The following WDR20 variants were observed in gnomAD, a reference collection of about 807,000 sequenced individuals.
The protein encoded by WDR20 is WD repeat-containing protein 20.
A neutral mutation model predicts 38.7 loss-of-function variants in WDR20; 3 were observed. The ratio of observed to expected loss-of-function variants is 0.08; its 90% CI spans 0.04 to 0.20. The LOEUF (loss-of-function observed/expected upper bound fraction) is 0.20, where lower values mean the gene tolerates loss of function less well. WDR20 is among the 10% of genes least tolerant of loss of function. The pLI is 1.00. For synonymous variants in WDR20, 298 were observed against 285.6 expected (o/e 1.04, Z -0.44); for missense variants, 559 against 727.7 (o/e 0.77, Z 2.67).
chr14:102,196,555 C>A (rs971250164), intron 2 of WDR20, among the ~76,000 whole-genome samples: 6 of 151,968 alleles, frequency 3.9e-5, no homozygotes, highest in African/African-American at 1.5e-4. Flanking sequence ...GGGATTGGAG[C>A]CATGTAAGGG....
At chr14:102,177,319 G>C (rs757575358) in intron 1 of WDR20, among the ~76,000 whole-genome samples, 1 of 152,052 alleles carries the variant, frequency 6.6e-6, no homozygotes, top group Non-Finnish European at 1.5e-5. Flanking sequence ...TACTTCTTAC[G>C]TTTACAGAAG....
rs150618912 is a variant in WDR20, at chr14:102,177,502, G to A, written c.250-17436G>A. 2.9e-3 allele frequency among the ~76,000 whole-genome samples: 440 copies of A among 152,268 alleles called. 4 individuals carry two copies. Among genetic ancestry groups the A allele is most frequent in the African/African-American group, 0.01 (418 of 41,542 alleles). ...CTAGCTATGAGAAATATAGCCAGAT[G>A]AGAATCGAGCCACTGGGTTTTTGAG... is the stretch of plus-strand genomic sequence containing the variant. On this transcript the variant is annotated intron_variant, in intron 1 of 2. Transcript: ENST00000342702.
At chr14:102,218,832 T>C (rs2063538783), downstream of WDR20, among the ~76,000 whole-genome samples, 1 of 152,222 alleles carries the variant, frequency 6.6e-6, no homozygotes, top group Non-Finnish European at 1.5e-5. Flanking sequence ...TGGTAAAGCC[T>C]GGAATTGCCA....
chr14:102,148,196 G>T (rs529915533), intron 1 of WDR20, among the ~76,000 whole-genome samples: 20 of 152,180 alleles, frequency 1.3e-4, no homozygotes, highest in Non-Finnish European at 2.5e-4. Context: ...ACCTTAATTG[G>T]TAGACATTTC....
downstream of WDR20, chr14:102,210,653 A>G (rs1351866293): frequency 1.6e-5 from 8 of 499,244 alleles, no homozygotes; most frequent in African/African-American, 6.3e-5. Context: ...CTCTTGCCAC[A>G]TAAGCGAAGA....
chr14:102,172,953 C>T (rs1202476170), intron 1 of WDR20, among the ~76,000 whole-genome samples: 3 of 149,600 alleles, frequency 2.0e-5, no homozygotes, highest in Non-Finnish European at 4.5e-5. Flanking sequence ...TGGGCAGAGG[C>T]GCTCCTCACA....
downstream of WDR20, among the ~76,000 whole-genome samples, chr14:102,218,517 C>A (rs1360845444): frequency 6.6e-6 from 1 of 152,248 alleles, no homozygotes; most frequent in Admixed American, 6.5e-5. Context: ...AGGAACATGG[C>A]CTTGCTGCTT....
intron 1 of WDR20, among the ~76,000 whole-genome samples, chr14:102,189,022 A>G (rs2065621283): frequency 1.3e-5 from 2 of 151,858 alleles, no homozygotes; most frequent in African/African-American, 4.8e-5. Flanking sequence ...CAGCCTGGTC[A>G]ACATGGTTGA....
chr14:102,139,430 G>C (rs760732797), upstream of WDR20: 6 of 1,519,800 alleles, frequency 3.9e-6, no homozygotes, highest in Admixed American at 1.1e-4. Context: ...GGTACCCCGC[G>C]TGCTGGCTCC....
At chr14:102,154,416 T>TAA (rs1421893015) in intron 1 of WDR20, among the ~76,000 whole-genome samples, 1 of 152,154 alleles carries the variant, frequency 6.6e-6, no homozygotes, top group Non-Finnish European at 1.5e-5. Flanking sequence ...ACCTCTTTTA[T>TAA]AAGGGCACCA....
rs1330741816 is a variant in WDR20, at chr14:102,210,381, A to C, written c.*501A>C. 1 of 985,646 alleles carries C rather than the reference A, an allele frequency of 1.0e-6. No individual in the cohort carries two copies. The highest frequency in any genetic ancestry group is 1.2e-6 in the Non-Finnish European group (1 of 830,082). The allele number at this position is 985,646 out of a possible 1,614,324, so 61.1% of individuals were successfully genotyped here. On this transcript the variant is annotated 3_prime_UTR_variant, in exon 3 of 3. Coordinates refer to ENST00000342702, the MANE Select transcript of WDR20 (RefSeq NM_144574.4). ...TTAGGAATCTATGAAATTTAACTTT[A>C]GGAACAAAACGTTTAGCAGGGTTGA...
chr14:102,142,350 G>T (rs528411560), intron 1 of WDR20, among the ~76,000 whole-genome samples: 1 of 152,180 alleles, frequency 6.6e-6, no homozygotes, highest in East Asian at 1.9e-4. Context: ...ACTATTTTCT[G>T]ATTTAAAATA....
At chr14:102,148,669 TTGTGTGTGTG>T (rs10525828) in intron 1 of WDR20, among the ~76,000 whole-genome samples, 44,578 of 144,474 alleles carry the variant, frequency 0.31, 7,105 homozygotes, top group East Asian at 0.55. Flanking sequence ...GAGTTTGGCT[TTGTGTGTGTG>T]TGTGTGTGTG....
intron 1 of WDR20, among the ~76,000 whole-genome samples, chr14:102,153,053 A>G (rs1461503257): frequency 6.6e-6 from 1 of 152,106 alleles, no homozygotes; most frequent in Non-Finnish European, 1.5e-5. Context: ...TTTCTCAGGA[A>G]TGGTTTAGCA....
At chr14:102,212,399 AG>A, downstream of WDR20, 1 of 1,071,732 alleles carries the variant, frequency 9.3e-7, no homozygotes, top group African/African-American at 1.6e-5. Flanking sequence ...CAGCCTGGGG[AG>A]GGGCTGCCTT....
intron 1 of WDR20, 149 bp from the exon 2 acceptor site, chr14:102,194,789 G>A (rs2059143936): frequency 1.3e-6 from 1 of 795,220 alleles, no homozygotes; most frequent in Admixed American, 2.9e-5. Context: ...TTTATAAAAT[G>A]TTAGATGATG....
chr14:102,189,668 G>C (rs2065847069), intron 1 of WDR20, among the ~76,000 whole-genome samples: 1 of 152,156 alleles, frequency 6.6e-6, no homozygotes, highest in Admixed American at 6.5e-5. Flanking sequence ...TTAGGTAATT[G>C]ATAATAATTG....
chr14:102,156,652 G>A (rs952481387), intron 1 of WDR20, among the ~76,000 whole-genome samples: 20 of 151,820 alleles, frequency 1.3e-4, no homozygotes, highest in African/African-American at 4.8e-4. Flanking sequence ...GGGATTATAG[G>A]TCTGAGCCAC....
At chr14:102,140,387 G>A (rs1215325102) in intron 1 of WDR20, among the ~76,000 whole-genome samples, 1 of 152,082 alleles carries the variant, frequency 6.6e-6, no homozygotes, top group Non-Finnish European at 1.5e-5. Context: ...CAGTGGAAAG[G>A]GACCGTGGGG....
Sources: gnomAD v4.1 joint callset for allele counts (sites outside exome capture counted in the v4.1 genomes callset) on GRCh38, gnomAD v4.1.1 for gene constraint, MANE v1.5 for transcripts, NCBI Gene and HGNC (gene_info 2026-07-23, HGNC 2026-07-21) for gene names.